Variants in ANKS1B observed in about 807,000 individuals in gnomAD.
ANKS1B encodes the protein ankyrin repeat and sterile alpha motif domain-containing protein 1B.
Under a neutral mutation model 148.3 loss-of-function variants are expected in ANKS1B, and 36 were observed. The ratio of observed to expected loss-of-function variants is 0.24; its 90% CI spans 0.19 to 0.32. ANKS1B has a LOEUF of 0.32. ANKS1B is among the 10% of genes least tolerant of loss of function. The pLI is 1.00. For missense variants in ANKS1B, 1,157 were observed against 1,542.6 expected, an observed-to-expected ratio of 0.75 and a Z score of 4.19; for synonymous variants, 542 against 560.8, an observed-to-expected ratio of 0.97 and a Z score of 0.47.
At chr12:99,374,159 TAG>T (rs1158678334) in intron 12 of ANKS1B, among the ~76,000 whole-genome samples, 1 of 152,178 alleles carries the variant, frequency 6.6e-6, no homozygotes, top group Non-Finnish European at 1.5e-5. Flanking sequence ...TCCAGAAGTA[TAG>T]AGGTTCCCAG....
intron 1 of ANKS1B, among the ~76,000 whole-genome samples, chr12:99,927,129 G>A (rs375209743): frequency 1.1e-4 from 16 of 151,866 alleles, no homozygotes; most frequent in African/African-American, 3.6e-4. Context: ...GAAAATGAAG[G>A]AGACACACTG....
chr12:98,819,137 A>G (rs999932094), intron 19 of ANKS1B, among the ~76,000 whole-genome samples: 1 of 152,258 alleles, frequency 6.6e-6, no homozygotes, highest in African/African-American at 2.4e-5. Flanking sequence ...GTGGCAACTA[A>G]GTCTTAGAAA....
At chr12:99,413,100 C>T (rs1472334121) in intron 11 of ANKS1B, among the ~76,000 whole-genome samples, 3 of 152,102 alleles carry the variant, frequency 2.0e-5, no homozygotes, top group African/African-American at 2.4e-5. Context: ...TTAAAGAAGT[C>T]GTGAGTGAGT....
chr12:98,844,069 C>T (rs1029243790), intron 17 of ANKS1B, among the ~76,000 whole-genome samples: 2 of 152,124 alleles, frequency 1.3e-5, no homozygotes, highest in African/African-American at 2.4e-5. Flanking sequence ...TAAATCCACA[C>T]CACCGAGGCA....
chr12:99,226,349 C>T (rs1009775661), intron 14 of ANKS1B, among the ~76,000 whole-genome samples: 6 of 152,120 alleles, frequency 3.9e-5, no homozygotes, highest in Non-Finnish European at 5.9e-5. Context: ...TGGTATTATA[C>T]AACATTTGCT....
chr12:98,795,497 G>T, intron 22 of ANKS1B: 1 of 368,322 alleles, frequency 2.7e-6, no homozygotes, highest in Non-Finnish European at 5.2e-6. Flanking sequence ...GTGATTCCTG[G>T]TAGAACAAAC....
chr12:99,234,571 A>C (rs922502168), intron 14 of ANKS1B, among the ~76,000 whole-genome samples: 2 of 152,150 alleles, frequency 1.3e-5, no homozygotes, highest in Non-Finnish European at 2.9e-5. Context: ...CTGCATCACA[A>C]TAGGACAAGG....
chr12:99,387,144 T>C (rs998974773), intron 12 of ANKS1B, among the ~76,000 whole-genome samples: 10 of 150,752 alleles, frequency 6.6e-5, no homozygotes, highest in South Asian at 2.1e-4. Flanking sequence ...GATGCAAGAA[T>C]TGGTGGGAGT....
chr12:98,787,110 C>T (rs2098802444), intron 22 of ANKS1B, among the ~76,000 whole-genome samples: 1 of 152,224 alleles, frequency 6.6e-6, no homozygotes, highest in South Asian at 2.1e-4. Flanking sequence ...TGTTTGGTAG[C>T]CCTAAGTGAC....
intron 15 of ANKS1B, among the ~76,000 whole-genome samples, chr12:99,110,219 T>C (rs556335306): frequency 6.6e-6 from 1 of 152,292 alleles, no homozygotes; most frequent in South Asian, 2.1e-4. Context: ...GTGAGTTCAA[T>C]GAGTGGATTT....
chr12:99,418,931 CTTTA>C (rs2094996714), intron 11 of ANKS1B, among the ~76,000 whole-genome samples: 1 of 151,482 alleles, frequency 6.6e-6, no homozygotes, highest in South Asian at 2.1e-4. Flanking sequence ...GGATTTTCTT[CTTTA>C]TTGATTTCAA....
intron 19 of ANKS1B, among the ~76,000 whole-genome samples, chr12:98,818,712 G>A (rs1310167912): frequency 1.3e-5 from 2 of 152,126 alleles, no homozygotes; most frequent in Non-Finnish European, 2.9e-5. Flanking sequence ...AAGTAATGTT[G>A]TTCTTTGTAA....
chr12:98,770,064 C>G (rs2098546825), intron 25 of ANKS1B, among the ~76,000 whole-genome samples: 2 of 152,336 alleles, frequency 1.3e-5, no homozygotes, highest in Non-Finnish European at 2.9e-5. Flanking sequence ...CTGACGTCAG[C>G]AGGCAGGGAG....
At chr12:99,763,801 T>C (rs772186616) in intron 8 of ANKS1B, among the ~76,000 whole-genome samples, 2 of 152,224 alleles carry the variant, frequency 1.3e-5, no homozygotes, top group Non-Finnish European at 2.9e-5. Flanking sequence ...TATATTCATA[T>C]ACTATATACT....
At chr12:99,943,314 C>G (rs1312556419) in intron 1 of ANKS1B, among the ~76,000 whole-genome samples, 4 of 152,140 alleles carry the variant, frequency 2.6e-5, no homozygotes, top group Non-Finnish European at 5.9e-5. Flanking sequence ...TCACTGTAGG[C>G]ACAAGTAAAA....
rs549402107 is a variant in ANKS1B at position 99,276,389 on chromosome 12, A to G, written c.1757-29525T>C. 2.0e-5 allele frequency among the ~76,000 whole-genome samples: 3 copies of G among 152,336 alleles called. No individual in the cohort carries two copies. The South Asian group carries it at 6.2e-4, about 32-fold the overall frequency. On this transcript the variant is annotated intron_variant, in intron 12 of 26. Coordinates refer to ENST00000683438, the MANE Select transcript of ANKS1B (RefSeq NM_001352186.2). The stretch of plus-strand genomic sequence containing the variant: ...GGCCCTTTAAAGTGATGATTAAAGT[A>G]AAATGATGCTGTTATGATGGGCCCC...
chr12:99,829,993 A>C (rs1434651711), intron 1 of ANKS1B, among the ~76,000 whole-genome samples: 1 of 152,204 alleles, frequency 6.6e-6, no homozygotes, highest in African/African-American at 2.4e-5. Context: ...CTATTCTCTT[A>C]ATTTAAATTT....
intron 14 of ANKS1B, among the ~76,000 whole-genome samples, chr12:99,238,015 T>C (rs1283557702): frequency 6.6e-6 from 1 of 152,144 alleles, no homozygotes. Context: ...CATTTCCAAC[T>C]GAGGTACCTG....
intron 14 of ANKS1B, among the ~76,000 whole-genome samples, chr12:99,162,671 T>C (rs1429200379): frequency 6.6e-6 from 1 of 152,166 alleles, no homozygotes; most frequent in Non-Finnish European, 1.5e-5. Context: ...TGTTCGGATA[T>C]ATACGTATAT....
Sources: gnomAD v4.1 joint callset for allele counts (sites outside exome capture counted in the v4.1 genomes callset) on GRCh38, gnomAD v4.1.1 for gene constraint, MANE v1.5 for transcripts, NCBI Gene and HGNC (gene_info 2026-07-23, HGNC 2026-07-21) for gene names.